CC2D2B: variants seen among roughly 807,000 people sequenced by gnomAD.
CC2D2B encodes the protein protein CC2D2B.
CC2D2B carries 128 observed loss-of-function variants against 161.2 expected under a neutral mutation model. The observed-to-expected ratio is 0.79, with a 90% confidence interval of 0.69 to 0.92. The LOEUF (loss-of-function observed/expected upper bound fraction) is 0.92. Ranked by LOEUF, CC2D2B falls within the 40% of genes least tolerant of loss-of-function variation. CC2D2B has a pLI of 0.00. For synonymous variants in CC2D2B, 391 were observed against 449.8 expected, an observed-to-expected ratio of 0.87 and a Z score of 1.65; for missense variants, 1,173 against 1,375.1, an observed-to-expected ratio of 0.85 and a Z score of 2.32.
chr10:95,936,147 G>A (rs2075813220), intron 6 of CC2D2B, among the ~76,000 whole-genome samples: 1 of 152,148 alleles, frequency 6.6e-6, no homozygotes, highest in African/African-American at 2.4e-5. Context: ...TTTCCTTCTT[G>A]TAGGGCAAGC....
chr10:95,968,101 C>T (rs1260265733), intron 14 of CC2D2B, among the ~76,000 whole-genome samples: 2 of 152,282 alleles, frequency 1.3e-5, no homozygotes, highest in East Asian at 3.9e-4. Flanking sequence ...ACAAGTGTTT[C>T]CCCCAGGGAA....
chr10:96,000,512 T>C (rs1011433584), intron 24 of CC2D2B, among the ~76,000 whole-genome samples: 10 of 151,920 alleles, frequency 6.6e-5, no homozygotes, highest in Admixed American at 5.9e-4. Context: ...TACAGGTGCC[T>C]GCCACCACGC....
At chr10:95,945,198 T>C (rs2076154634) in intron 9 of CC2D2B, among the ~76,000 whole-genome samples, 1 of 152,230 alleles carries the variant, frequency 6.6e-6, no homozygotes, top group African/African-American at 2.4e-5. Context: ...TACTCTGTTA[T>C]AGTAGAACAA....
At chr10:95,957,315 A>G (rs4917718) in intron 11 of CC2D2B, among the ~76,000 whole-genome samples, 83,248 of 151,930 alleles carry the variant, frequency 0.55, 23,282 homozygotes, top group Admixed American at 0.62. Flanking sequence ...ATCTCTGGAT[A>G]AAGTGACTTC....
At chr10:95,969,230 T>C (rs2077040847) in intron 15 of CC2D2B, among the ~76,000 whole-genome samples, 2 of 152,204 alleles carry the variant, frequency 1.3e-5, no homozygotes, top group African/African-American at 2.4e-5. Flanking sequence ...TTTTAAGTGT[T>C]GAATGATTTC....
In CC2D2B at chr10:95,996,253, G is replaced by T. The variant is rs1397496942; in HGVS notation, c.2849+1G>T. 7.6e-7 allele frequency: 1 copy of T among 1,318,390 alleles called. No individual in the cohort carries two copies. The highest frequency in any genetic ancestry group is 1.0e-6 in the Non-Finnish European group (1 of 978,018). 81.7% of individuals were successfully genotyped at this position (1,318,390 alleles called of 1,614,324 possible). A position where few individuals can be genotyped will look rare whatever the true frequency, so the allele number is the denominator to read the frequency against. The stretch of plus-strand genomic sequence containing the variant: ...ATGAAGAAATTAAAGTAGATTTTGT[G>T]TAAGTTGGAGTTCATTTTTCCATAG... On this transcript the variant is annotated splice_donor_variant, in intron 24 of 34. Transcript: ENST00000646931. LOFTEE classifies it high-confidence loss of function.
At position 96,012,731 on chromosome 10, in the gene CC2D2B, T is replaced by C; in HGVS notation, c.3426+2T>C. 6.5e-7 allele frequency: 1 copy of C among 1,537,826 alleles called. No homozygotes were observed. The highest frequency in any genetic ancestry group is 9.0e-7 in the Non-Finnish European group (1 of 1,111,280). On this transcript the variant is annotated splice_donor_variant, in intron 28 of 34. Coordinates refer to ENST00000646931, the MANE Select transcript of CC2D2B (RefSeq NM_001349008.3). LOFTEE classifies it high-confidence loss of function. ...CTTCACAATTCTAATGCAACATTTG[T>C]AAGTTATTATTATTTTTAACATCTT...
intron 9 of CC2D2B, among the ~76,000 whole-genome samples, chr10:95,946,355 C>T (rs890758263): frequency 6.6e-6 from 1 of 152,136 alleles, no homozygotes; most frequent in Non-Finnish European, 1.5e-5. Flanking sequence ...GAGGACAGGA[C>T]CAAGGGCAGA....
intron 12 of CC2D2B, among the ~76,000 whole-genome samples, chr10:95,965,212 T>C (rs2076897244): frequency 6.6e-6 from 1 of 152,134 alleles, no homozygotes; most frequent in South Asian, 2.1e-4. Context: ...TCAATAATTT[T>C]CTGACACTGT....
At chr10:95,973,188 T>A (rs913192897) in intron 16 of CC2D2B, among the ~76,000 whole-genome samples, 3 of 151,940 alleles carry the variant, frequency 2.0e-5, no homozygotes, top group Non-Finnish European at 4.4e-5. Context: ...AGAACGGAGT[T>A]TGCTTCAAGT....
At chr10:95,944,840 C>A (rs553394172) in intron 9 of CC2D2B, among the ~76,000 whole-genome samples, 2 of 152,292 alleles carry the variant, frequency 1.3e-5, no homozygotes, top group East Asian at 3.9e-4. Flanking sequence ...GGCCATCTCA[C>A]CAACTGTCTA....
chr10:95,997,170 AT>A (rs1201478392), intron 24 of CC2D2B, among the ~76,000 whole-genome samples: 1 of 152,132 alleles, frequency 6.6e-6, no homozygotes, highest in Non-Finnish European at 1.5e-5. Context: ...AGACATTGTT[AT>A]TTTTTTATTT....
chr10:95,974,300 C>T, intron 17 of CC2D2B, 144 bp downstream of exon 17: 1 of 419,666 alleles, frequency 2.4e-6, no homozygotes, highest in Non-Finnish European at 4.0e-6. Context: ...ATTTAAATCA[C>T]TCTACTAAGG....
chr10:95,968,009 A>G (rs1336529477), intron 14 of CC2D2B, among the ~76,000 whole-genome samples: 1 of 152,222 alleles, frequency 6.6e-6, no homozygotes, highest in Non-Finnish European at 1.5e-5. Context: ...AAAATATTCA[A>G]TAAACATTGG....
intron 25 of CC2D2B, among the ~76,000 whole-genome samples, chr10:96,007,744 C>T (rs2078813851): frequency 6.6e-6 from 1 of 151,994 alleles, no homozygotes; most frequent in South Asian, 2.1e-4. Flanking sequence ...TTTCACTTTC[C>T]CTAGATTCTC....
chr10:96,014,273 C>T (rs536080424), intron 29 of CC2D2B, among the ~76,000 whole-genome samples: 1 of 152,298 alleles, frequency 6.6e-6, no homozygotes, highest in Admixed American at 6.5e-5. Context: ...TCTTCCTTAG[C>T]ACTTAGATTA....
chr10:95,972,682 T>C (rs535967672), intron 16 of CC2D2B, among the ~76,000 whole-genome samples: 3 of 152,358 alleles, frequency 2.0e-5, no homozygotes, highest in Non-Finnish European at 4.4e-5. Flanking sequence ...TTTAAAGTTT[T>C]GTCTTGGGTC....
chr10:96,032,165 G>T lies in CC2D2B; in HGVS notation c.*157G>T. 5.1e-6 allele frequency: 3 copies of T among 587,456 alleles called. No individual in the cohort carries two copies. The highest frequency in any genetic ancestry group is 9.0e-6 in the Non-Finnish European group (3 of 332,788). The allele number at this position is 587,456 out of a possible 1,614,324, so 36.4% of individuals were successfully genotyped here. A position where few individuals can be genotyped will look rare whatever the true frequency, so the allele number is the denominator to read the frequency against. On this transcript the variant is annotated 3_prime_UTR_variant, in exon 35 of 35. Coordinates refer to ENST00000646931, the MANE Select transcript of CC2D2B (RefSeq NM_001349008.3). ...ACAGAGCTGGGCACTATGGAGACTC[G>T]CACCCCTGAGTGAGTCTTTGAGGAG...
At chr10:95,945,275 C>T (rs1026931838) in intron 9 of CC2D2B, among the ~76,000 whole-genome samples, 13 of 152,216 alleles carry the variant, frequency 8.5e-5, no homozygotes, top group African/African-American at 3.1e-4. Flanking sequence ...AATGCCTCTA[C>T]CTGCCTTTCT....
Sources: gnomAD v4.1 joint callset for allele counts (sites outside exome capture counted in the v4.1 genomes callset) on GRCh38, gnomAD v4.1.1 for gene constraint, MANE v1.5 for transcripts, NCBI Gene and HGNC (gene_info 2026-07-23, HGNC 2026-07-21) for gene names.